Variants in EVC observed in about 807,000 individuals in gnomAD.
The protein encoded by EVC is evC complex member EVC.
A neutral mutation model predicts 118.9 loss-of-function variants in EVC; 116 were observed. The ratio of observed to expected loss-of-function variants is 0.98; its 90% CI spans 0.84 to 1.14. EVC has a LOEUF of 1.14. Among genes scored for constraint, EVC ranks in the 50% most tolerant of loss-of-function variants. EVC has a pLI of 0.00. For missense variants in EVC, 1,401 were observed against 1,246.4 expected, an observed-to-expected ratio of 1.12 and a Z score of -1.87; for synonymous variants, 619 against 534.7, an observed-to-expected ratio of 1.16 and a Z score of -2.18.
intron 12 of EVC, among the ~76,000 whole-genome samples, chr4:5,786,828 C>A (rs1299124397): frequency 6.7e-6 from 1 of 149,424 alleles, no homozygotes; most frequent in African/African-American, 2.5e-5. Context: ...GCCGAGATCA[C>A]GCCACTGAAC....
chr4:5,771,283 AC>A (rs1733914483), intron 11 of EVC, among the ~76,000 whole-genome samples: 2 of 152,020 alleles, frequency 1.3e-5, no homozygotes, highest in African/African-American at 4.8e-5. Flanking sequence ...TCTAAAGGCC[AC>A]CCACATTCCT....
At chr4:5,779,137 G>A (rs1205084485) in intron 11 of EVC, among the ~76,000 whole-genome samples, 1 of 151,624 alleles carries the variant, frequency 6.6e-6, no homozygotes, top group Admixed American at 6.6e-5. Context: ...GTTTGTCAAA[G>A]ATCAGATAGT....
intron 12 of EVC, among the ~76,000 whole-genome samples, chr4:5,790,172 C>T (rs1023839806): frequency 1.6e-5 from 1 of 62,790 alleles, no homozygotes; most frequent in Non-Finnish European, 3.6e-5. Flanking sequence ...CAGAGTGAGA[C>T]TCCATCTCAA....
intron 19 of EVC, 147 bp downstream of exon 19, chr4:5,809,758 G>A (rs1716587625): frequency 2.6e-6 from 2 of 771,458 alleles, no homozygotes; most frequent in Admixed American, 4.0e-5. Flanking sequence ...CTGTAAATGA[G>A]CAGGCTTGGC....
At position 5,712,633 on chromosome 4, in the gene EVC, G is replaced by A. The variant is rs76005147; in HGVS notation, c.174+1079G>A. On this transcript the variant is annotated intron_variant, in intron 1 of 20. Transcript: ENST00000264956. ...TGGGAAGATGAGACAGATCTTGTGC[G>A]GTTTCCATGTAGGCACAGGCTCTTT... Among the ~76,000 whole-genome samples the A allele has an allele frequency of 8.5e-3, 1,293 of 152,252 alleles. 14 individuals are homozygous for A. Among genetic ancestry groups the A allele is most frequent in the African/African-American group, 0.03 (1,245 of 41,526 alleles).
intron 1 of EVC, among the ~76,000 whole-genome samples, chr4:5,717,625 C>A (rs1415059374): frequency 1.3e-5 from 2 of 152,216 alleles, no homozygotes; most frequent in East Asian, 3.9e-4. Context: ...AGACCCACGA[C>A]AGACTGCTGC....
chr4:5,777,869 G>A (rs1024941985), intron 11 of EVC, among the ~76,000 whole-genome samples: 1 of 151,954 alleles, frequency 6.6e-6, no homozygotes, highest in Non-Finnish European at 1.5e-5. Context: ...TTAAGTTTTA[G>A]GGTACATGTG....
intron 17 of EVC, among the ~76,000 whole-genome samples, chr4:5,806,329 G>A (rs564991595): frequency 1.3e-5 from 2 of 151,854 alleles, no homozygotes; most frequent in African/African-American, 2.4e-5. Flanking sequence ...TGATTCACCC[G>A]CCTTGGCCTC....
chr4:5,759,327 G>C (rs1280161727), intron 11 of EVC, among the ~76,000 whole-genome samples: 3 of 151,522 alleles, frequency 2.0e-5, no homozygotes, highest in Admixed American at 2.0e-4. Context: ...TTGATGGTTT[G>C]GTCGCCGCAT....
Position 5,777,784 on chromosome 4 carries a change from T to G in EVC, c.1564-5768T>G, listed in dbSNP as rs112310892. Among the ~76,000 whole-genome samples the G allele has an allele frequency of 3.2e-3, 487 of 152,246 alleles. 9 individuals carry two copies. Among genetic ancestry groups the G allele is most frequent in the African/African-American group, 0.011 (464 of 41,504 alleles). ...ACCAAAGTCAGGGTTGGCGATGAGCTTAAGAGTGTGGCATTCATTAGGTTG... is the reference window on the plus strand; with the variant it reads ...ACCAAAGTCAGGGTTGGCGATGAGCGTAAGAGTGTGGCATTCATTAGGTTG... On this transcript the variant is annotated intron_variant, in intron 11 of 20. Transcript: ENST00000264956.
chr4:5,772,888 T>C (rs1269040278), intron 11 of EVC, among the ~76,000 whole-genome samples: 1 of 152,148 alleles, frequency 6.6e-6, no homozygotes, highest in Non-Finnish European at 1.5e-5. Context: ...TCATTCTTGC[T>C]CTTTGAGTCT....
intron 16 of EVC, 48 bp downstream of exon 16, chr4:5,802,142 T>C (rs1577639644): frequency 2.5e-6 from 4 of 1,611,650 alleles, no homozygotes; most frequent in Non-Finnish European, 3.4e-6. Context: ...TGGCAATGTG[T>C]GCTTTTAGTT....
At chr4:5,733,062 G>A (rs1160610512) in intron 4 of EVC, among the ~76,000 whole-genome samples, 2 of 152,068 alleles carry the variant, frequency 1.3e-5, no homozygotes, top group African/African-American at 2.4e-5. Flanking sequence ...AGGAGGAAAC[G>A]TCATTTTTAT....
At chr4:5,825,718 C>G in the EVC span, 1 of 1,563,470 alleles carries the variant, frequency 6.4e-7, no homozygotes. This position sits in a 1 kb window ranked among gnomAD's most constrained non-coding sequence, Gnocchi z 4.4. Flanking sequence ...CCCTTCTGGG[C>G]AGATAAAGCA....
rs1004547258 is a variant in EVC at position 5,756,897 on chromosome 4, G to A, written c.1563+535G>A. Among the ~76,000 whole-genome samples, 1 of 152,128 alleles carries A rather than the reference G, an allele frequency of 6.6e-6. No individual in the cohort carries two copies. The highest frequency in any genetic ancestry group is 1.5e-5 in the Non-Finnish European group (1 of 68,018). ...GGCAGGAGTCACAGGATGCCATGCT[G>A]AGCCAGACAGAGCCCCTGCCTCAGG... On this transcript the variant is annotated intron_variant, in intron 11 of 20. Coordinates refer to ENST00000264956, the MANE Select transcript of EVC (RefSeq NM_153717.3). The surrounding 1 kb of genome is among the most constrained non-coding windows in gnomAD (Gnocchi z 4.2).
chr4:5,808,135 C>A, intron 17 of EVC, 66 bp from the exon 18 acceptor site: 1 of 515,902 alleles, frequency 1.9e-6, no homozygotes. Context: ...TTCCTTCTCC[C>A]TCCCTCCCTC....
rs1429210509 is a variant in EVC at position 5,752,843 on chromosome 4, T to C, written c.1106T>C (p.Leu369Pro). 6.2e-7 allele frequency: 1 copy of C among 1,614,072 alleles called. No individual in the cohort carries two copies. Among genetic ancestry groups the C allele is most frequent in the Non-Finnish European group, 8.5e-7 (1 of 1,180,018 alleles). ...DSQELQALDA[L>P]ERTMGRAHMA... is the part of the protein sequence containing the mutation. ...GTGTGTTTCTTTTTGCAGGACGCCCTGGAGAGGACGATGGGGCGGGCGCAC... is the reference window on the plus strand; with the variant it reads ...GTGTGTTTCTTTTTGCAGGACGCCCCGGAGAGGACGATGGGGCGGGCGCAC... Residue 369 changes from leucine (L) to proline (P), a missense_variant, in exon 9 of 21, where the codon CTG (leucine) becomes CCG (proline). Physicochemically the swap from Leu to Pro is moderately conservative, Grantham distance 98. Coordinates refer to ENST00000264956, the MANE Select transcript of EVC (RefSeq NM_153717.3).
At chr4:5,801,539 G>A (rs570195438) in intron 15 of EVC, among the ~76,000 whole-genome samples, 2 of 152,204 alleles carry the variant, frequency 1.3e-5, no homozygotes, top group South Asian at 4.1e-4. Flanking sequence ...AATTAGCCAG[G>A]CCTGGTGGTG....
At chr4:5,820,106 C>G in the EVC span, among the ~76,000 whole-genome samples, 1 of 152,172 alleles carries the variant, frequency 6.6e-6, no homozygotes, top group Non-Finnish European at 1.5e-5. Flanking sequence ...TGATCCTAAA[C>G]AAGTTATTGA....
Sources: allele counts gnomAD v4.1 joint callset (sites outside exome capture counted in the v4.1 genomes callset), GRCh38; gene constraint gnomAD v4.1.1; non-coding constraint Gnocchi (gnomAD v3.1); transcripts MANE v1.5; gene names NCBI Gene and HGNC (gene_info 2026-07-23, HGNC 2026-07-21).